CDC73: variants seen among roughly 807,000 people sequenced by gnomAD.
CDC73 encodes the protein parafibromin.
CDC73 carries 21 observed loss-of-function variants against 83.7 expected under a neutral mutation model. That is an observed-to-expected ratio of 0.25 (90% CI 0.18 to 0.36). The LOEUF (loss-of-function observed/expected upper bound fraction) is 0.36, where lower values mean the gene tolerates loss of function less well. CDC73 is among the 10% of genes least tolerant of loss of function. The pLI, the probability that CDC73 is intolerant of heterozygous loss-of-function variation, is 1.00. For synonymous variants in CDC73, 224 were observed against 212.9 expected, an observed-to-expected ratio of 1.05 and a Z score of -0.45; for missense variants, 342 against 653.3, an observed-to-expected ratio of 0.52 and a Z score of 5.19.
chr1:193,204,394 A>G (rs1409922586), intron 11 of CDC73, among the ~76,000 whole-genome samples: 1 of 149,674 alleles, frequency 6.7e-6, no homozygotes, highest in African/African-American at 2.5e-5. Flanking sequence ...GGTTCATGCC[A>G]TTCTCCTGCC....
At chr1:193,162,947 A>G (rs935482634) in intron 10 of CDC73, among the ~76,000 whole-genome samples, 4 of 152,082 alleles carry the variant, frequency 2.6e-5, no homozygotes, top group African/African-American at 4.8e-5. Flanking sequence ...CTGAATTCTT[A>G]CTTGTGTTCT....
intron 11 of CDC73, among the ~76,000 whole-genome samples, chr1:193,211,758 A>T (rs1235851942): frequency 1.3e-5 from 2 of 152,170 alleles, no homozygotes; most frequent in Non-Finnish European, 2.9e-5. Flanking sequence ...AGTCTTGTGA[A>T]TTGTTTGTTT....
chr1:193,146,954 C>G (rs1676010905), intron 7 of CDC73, among the ~76,000 whole-genome samples: 1 of 151,586 alleles, frequency 6.6e-6, no homozygotes, highest in South Asian at 2.1e-4. Context: ...ATTTTTTTTT[C>G]TGAACTAGAA....
In CDC73 at chr1:193,122,146, G is replaced by A. The variant is rs1424881795; in HGVS notation, c.-55G>A. On this transcript the variant is annotated 5_prime_UTR_variant, in exon 1 of 17. Transcript: ENST00000367435. ...GGCGAGGCGACAAGAGAAGAAGGAG[G>A]CAGGCGCGGCGGCAGCGGCGGCGCC... 1.9e-6 allele frequency: 3 copies of A among 1,571,228 alleles called. No homozygotes were observed. The highest frequency in any genetic ancestry group is 2.7e-5 in the African/African-American group (2 of 74,012).
rs150951102 is a variant in CDC73 at position 193,122,233 on chromosome 1, C to T, written c.33C>T (p.Tyr11=). The change falls in exon 1 of 17, where the codon TAC becomes TAT. Residue 11 remains tyrosine, a synonymous_variant. Transcript: ENST00000367435. MADVLSVLRQ[Y]NIQKKEIVVK... Reference sequence around the variant, plus strand: ...ACGTGCTTAGCGTCCTGCGACAGTACAACATCCAGAAGAAGGAGATTGTGG... The same window carrying T: ...ACGTGCTTAGCGTCCTGCGACAGTATAACATCCAGAAGAAGGAGATTGTGG... 1.6e-3 allele frequency: 2,574 copies of T among 1,614,178 alleles called. 3 individuals are homozygous for T. The highest frequency in any genetic ancestry group is 2.1e-3 in the Non-Finnish European group (2,495 of 1,180,020).
chr1:193,181,057 G>A, intron 10 of CDC73: 2 of 1,613,916 alleles, frequency 1.2e-6, no homozygotes, highest in Non-Finnish European at 1.7e-6. Context: ...TTGCCGAATA[G>A]CTCTTCTAGC....
intron 10 of CDC73, chr1:193,181,453 A>G (rs1676714847): frequency 1.2e-6 from 2 of 1,613,952 alleles, no homozygotes; most frequent in African/African-American, 2.7e-5. Context: ...AAACATAGCA[A>G]AAAGAAACAC....
chr1:193,189,297 G>T (rs917557239), intron 10 of CDC73, among the ~76,000 whole-genome samples: 3 of 152,108 alleles, frequency 2.0e-5, no homozygotes, highest in African/African-American at 7.2e-5. Flanking sequence ...AGAACTTTAC[G>T]TAAAGTTCAG....
At chr1:193,174,649 A>G (rs10801186) in intron 10 of CDC73, among the ~76,000 whole-genome samples, 6,606 of 152,210 alleles carry the variant, frequency 0.043, 137 homozygotes, top group African/African-American at 0.05. Flanking sequence ...TCTTTATTAC[A>G]TTGTTCCTGG....
chr1:193,224,628 TACAC>T (rs375651954), intron 13 of CDC73, among the ~76,000 whole-genome samples: 88 of 152,264 alleles, frequency 5.8e-4, no homozygotes, highest in Non-Finnish European at 1.0e-3. Context: ...TGCATTCACA[TACAC>T]ACATATATGA....
chr1:193,147,835 G>A, intron 7 of CDC73, 32 bp from the exon 8 acceptor site: 3 of 1,184,656 alleles, frequency 2.5e-6, no homozygotes, highest in Non-Finnish European at 3.7e-6. Flanking sequence ...TATATTTAAA[G>A]TGGGCTTAAT....
intron 15 of CDC73, among the ~76,000 whole-genome samples, chr1:193,241,659 A>G (rs2102066752): frequency 6.6e-6 from 1 of 152,270 alleles, no homozygotes; most frequent in South Asian, 2.1e-4. Flanking sequence ...CGGGTGGGTA[A>G]CAGTTGTGGT....
At chr1:193,224,571 A>G (rs374188282) in intron 13 of CDC73, among the ~76,000 whole-genome samples, 4 of 152,126 alleles carry the variant, frequency 2.6e-5, no homozygotes, top group East Asian at 3.8e-4. Flanking sequence ...GCATTCACAT[A>G]TACACATATA....
At chr1:193,181,446 C>T (rs1316324225) in intron 10 of CDC73, 1 of 1,614,028 alleles carries the variant, frequency 6.2e-7, no homozygotes, top group East Asian at 2.2e-5. Context: ...AAAACAAAAA[C>T]ATAGCAAAAA....
In CDC73 at chr1:193,150,464, G is replaced by C. The variant is rs1053101958; in HGVS notation, c.907+82G>C. On this transcript the variant is annotated intron_variant, in intron 9 of 16. Coordinates refer to ENST00000367435, the MANE Select transcript of CDC73 (RefSeq NM_024529.5). ...AGTGTGGCCTGATGTTTAAGGGTAAGGGTTGGCAAAGTAATGTCTACAGAC... is the reference window on the plus strand; with the variant it reads ...AGTGTGGCCTGATGTTTAAGGGTAACGGTTGGCAAAGTAATGTCTACAGAC... The C allele has an allele frequency of 3.0e-6, 3 of 1,013,052 alleles. No homozygotes were observed. The African/African-American group carries it at 4.7e-5, about 16-fold the overall frequency. The allele number at this position is 1,013,052 out of a possible 1,614,324, so 62.8% of individuals were successfully genotyped here.
At chr1:193,190,882 A>C (rs1676907055) in intron 10 of CDC73, among the ~76,000 whole-genome samples, 1 of 152,268 alleles carries the variant, frequency 6.6e-6, no homozygotes, top group Admixed American at 6.5e-5. Context: ...GAGGTGTTCT[A>C]GAAGTTTGTG....
chr1:193,247,238 G>T (rs1572224661), intron 15 of CDC73, among the ~76,000 whole-genome samples: 1 of 151,950 alleles, frequency 6.6e-6, no homozygotes, highest in Non-Finnish European at 1.5e-5. Flanking sequence ...CATTATTTTT[G>T]TATCTGTTAT....
At chr1:193,129,431 C>T (rs1558279820) in intron 2 of CDC73, among the ~76,000 whole-genome samples, 1 of 151,816 alleles carries the variant, frequency 6.6e-6, no homozygotes, top group Admixed American at 6.6e-5. Context: ...TGTGCCTGGT[C>T]ATTGCTTTAT....
chr1:193,235,435 T>C (rs1677740249), intron 14 of CDC73, among the ~76,000 whole-genome samples: 1 of 152,218 alleles, frequency 6.6e-6, no homozygotes, highest in African/African-American at 2.4e-5. Context: ...ACTTGACACA[T>C]AGTAAATGCT....
Sources: gnomAD v4.1 joint callset for allele counts (sites outside exome capture counted in the v4.1 genomes callset) on GRCh38, gnomAD v4.1.1 for gene constraint, MANE v1.5 for transcripts, NCBI Gene and HGNC (gene_info 2026-07-23, HGNC 2026-07-21) for gene names.